The following CSTF3 variants were observed in gnomAD, a reference collection of about 807,000 sequenced individuals.
CSTF3 encodes the protein cleavage stimulation factor subunit 3.
Under a neutral mutation model 105.8 loss-of-function variants are expected in CSTF3, and 29 were observed. The ratio of observed to expected loss-of-function variants is 0.27; its 90% CI spans 0.20 to 0.37. The LOEUF is 0.37. Among genes scored for constraint, CSTF3 ranks in the 10% least tolerant of loss-of-function variants. The pLI is 1.00. For synonymous variants in CSTF3, 252 were observed against 281.9 expected (o/e 0.89, Z 1.06); for missense variants, 357 against 879.3 (o/e 0.41, Z 7.51).
In CSTF3 at chr11:33,105,886, C is replaced by G; in HGVS notation, c.455G>C (p.Gly152Ala). 1.3e-6 allele frequency: 2 copies of G among 1,564,684 alleles called. No homozygotes were observed. Among genetic ancestry groups the G allele is most frequent in the Non-Finnish European group, 1.7e-6 (2 of 1,154,088 alleles). The change falls in exon 7 of 21, where the codon GGC becomes GCC. Residue 152 changes from glycine to alanine, a missense_variant. By Grantham distance (60) the Gly-to-Ala change is moderately conservative. Around this residue, in one of 4 missense-constraint regions of CSTF3, gnomAD observed 78 missense variants for 180.4 expected, o/e 0.43. Transcript: ENST00000323959. ...AAAAAACTATACAAATACTTACACGCCTTTTAGGAAATTGATGTAATCCAC... is the reference window on the plus strand; with the variant it reads ...AAAAAACTATACAAATACTTACACGGCTTTTAGGAAATTGATGTAATCCAC... ...IWVDYINFLK[G>A]VEAVGSYAEN...
In CSTF3 at chr11:33,097,073, A is replaced by T. The variant is rs1590264301; in HGVS notation, c.1129-95T>A. The T allele has an allele frequency of 3.6e-6, 3 of 827,030 alleles. No homozygotes were observed. In the East Asian group the frequency reaches 8.7e-5, roughly 24 times the overall value. The allele number at this position is 827,030 out of a possible 1,614,324, so 51.2% of individuals were successfully genotyped here. A position where few individuals can be genotyped will look rare whatever the true frequency, so the allele number is the denominator to read the frequency against. On this transcript the variant is annotated intron_variant, in intron 13 of 20. Transcript: ENST00000323959. Reference sequence around the variant, plus strand: ...AATACCCAATAAATTAGAAAGTAGGAATTTAGATAATATTCTATTTAAATC... The same window carrying T: ...AATACCCAATAAATTAGAAAGTAGGTATTTAGATAATATTCTATTTAAATC...
chr11:33,110,542 T>A (rs1855369514), intron 3 of CSTF3, among the ~76,000 whole-genome samples: 1 of 152,154 alleles, frequency 6.6e-6, no homozygotes, highest in Non-Finnish European at 1.5e-5. Context: ...TGAATTTAAA[T>A]CACCAGCTTC....
At chr11:33,125,274 C>T (rs539909161) in intron 3 of CSTF3, among the ~76,000 whole-genome samples, 1 of 152,114 alleles carries the variant, frequency 6.6e-6, no homozygotes, top group Non-Finnish European at 1.5e-5. Flanking sequence ...CTAATCTTAT[C>T]TAAATTCTAG....
intron 16 of CSTF3, among the ~76,000 whole-genome samples, chr11:33,091,604 A>G (rs1855169407): frequency 6.6e-6 from 1 of 152,240 alleles, no homozygotes. Context: ...ATGTAAAACA[A>G]ACTTTGAATT....
At chr11:33,105,758 C>A in intron 7 of CSTF3, 65 bp from the exon 8 acceptor site, 1 of 1,560,306 alleles carries the variant, frequency 6.4e-7, no homozygotes, top group Non-Finnish European at 8.8e-7. Flanking sequence ...CCAGCAATCT[C>A]ACTACTGGAT....
At chr11:33,094,363 A>G (rs1202931504) in intron 15 of CSTF3, among the ~76,000 whole-genome samples, 1 of 152,208 alleles carries the variant, frequency 6.6e-6, no homozygotes, top group Non-Finnish European at 1.5e-5. Context: ...TGATGATGCA[A>G]TTATATTTAC....
intron 3 of CSTF3, among the ~76,000 whole-genome samples, chr11:33,124,539 C>G (rs958685854): frequency 2.6e-5 from 4 of 152,096 alleles, no homozygotes; most frequent in African/African-American, 9.7e-5. Context: ...AACTCATAAT[C>G]ATTTTTGCCC....
At chr11:33,102,820 A>C (rs1285017269) in intron 9 of CSTF3, among the ~76,000 whole-genome samples, 1 of 152,210 alleles carries the variant, frequency 6.6e-6, no homozygotes, top group South Asian at 2.1e-4. Context: ...AACCCAAATA[A>C]TAGAGGGAAA....
chr11:33,100,085 G>A (rs535486640), intron 10 of CSTF3, among the ~76,000 whole-genome samples: 13 of 152,052 alleles, frequency 8.5e-5, no homozygotes, highest in East Asian at 5.9e-4. Flanking sequence ...GGCCAGGTGC[G>A]GTGGCTCACA....
At chr11:33,141,630 A>G (rs1387338844) in intron 3 of CSTF3, 37 bp downstream of exon 3, 2 of 1,584,364 alleles carry the variant, frequency 1.3e-6, no homozygotes, top group Non-Finnish European at 1.7e-6. Flanking sequence ...TGAATGCTGC[A>G]ATACTGATAT....
At chr11:33,130,025 C>A (rs1855582189) in intron 3 of CSTF3, among the ~76,000 whole-genome samples, 1 of 152,146 alleles carries the variant, frequency 6.6e-6, no homozygotes, top group African/African-American at 2.4e-5. Context: ...TTACAAATAA[C>A]TGGAAATAAA....
chr11:33,154,529 C>T (rs1485998662), intron 1 of CSTF3, among the ~76,000 whole-genome samples: 2 of 121,770 alleles, frequency 1.6e-5, no homozygotes, highest in African/African-American at 3.0e-5. Context: ...TGAAGTCTCA[C>T]TCTGTCACCT....
At chr11:33,117,625 T>C (rs558220935) in intron 3 of CSTF3, among the ~76,000 whole-genome samples, 1 of 151,136 alleles carries the variant, frequency 6.6e-6, no homozygotes, top group East Asian at 1.9e-4. Flanking sequence ...ATCACACAAC[T>C]GAGCTCTTAA....
At chr11:33,127,186 G>A (rs1855552164) in intron 3 of CSTF3, among the ~76,000 whole-genome samples, 1 of 152,144 alleles carries the variant, frequency 6.6e-6, no homozygotes, top group Non-Finnish European at 1.5e-5. Context: ...CTATCATGCA[G>A]ACATTATGCA....
intron 3 of CSTF3, among the ~76,000 whole-genome samples, chr11:33,109,074 G>A (rs1007078308): frequency 1.6e-4 from 25 of 152,252 alleles, no homozygotes; most frequent in African/African-American, 5.1e-4. Flanking sequence ...AAAGATTTCC[G>A]GGAAAAAGAT....
chr11:33,090,129 C>T (rs1174347438), intron 17 of CSTF3, among the ~76,000 whole-genome samples: 1 of 152,112 alleles, frequency 6.6e-6, no homozygotes, highest in Non-Finnish European at 1.5e-5. Context: ...AAATATGCAA[C>T]AGGAACTACA....
At chr11:33,114,489 A>C (rs1471315375) in intron 3 of CSTF3, among the ~76,000 whole-genome samples, 2 of 152,154 alleles carry the variant, frequency 1.3e-5, no homozygotes, top group Admixed American at 6.5e-5. Flanking sequence ...CAAAAGTTTT[A>C]AAAAGTACGC....
chr11:33,095,819 C>CAAATAAATAAAT lies in CSTF3; in HGVS notation c.1375+475_1375+486dup, dbSNP rs61377553. Among the ~76,000 whole-genome samples the CAAATAAATAAAT allele has an allele frequency of 9.3e-3, 1,364 of 146,104 alleles. 17 individuals carry two copies. The highest frequency in any genetic ancestry group is 0.021 in the African/African-American group (851 of 40,020). ...CCTGGGCGACAGCGAGACTCTGTCT[C>CAAATAAATAAAT]AAATAAATAAATAAATAAATAAATA... On this transcript the variant is annotated intron_variant, in intron 15 of 20. Transcript: ENST00000323959.
At chr11:33,104,826 A>C (rs538236716) in intron 8 of CSTF3, among the ~76,000 whole-genome samples, 4 of 152,342 alleles carry the variant, frequency 2.6e-5, no homozygotes, top group African/African-American at 7.2e-5. Flanking sequence ...CAAAAACCAT[A>C]AAGTTTGAAA....
Sources: gnomAD v4.1 joint callset for allele counts (sites outside exome capture counted in the v4.1 genomes callset) on GRCh38, gnomAD v4.1.1 for gene constraint, gnomAD v4.1.1 regional missense constraint, MANE v1.5 for transcripts, NCBI Gene and HGNC (gene_info 2026-07-23, HGNC 2026-07-21) for gene names.